Variants in PTPRA observed in about 807,000 individuals in gnomAD.
PTPRA encodes the protein receptor-type tyrosine-protein phosphatase alpha.
A neutral mutation model predicts 104.8 loss-of-function variants in PTPRA; 25 were observed. The ratio of observed to expected loss-of-function variants is 0.24; its 90% confidence interval spans 0.17 to 0.33. The LOEUF is 0.33. Ranked by LOEUF, PTPRA falls within the 10% of genes least tolerant of loss-of-function variation. PTPRA has a pLI of 1.00. For missense variants in PTPRA, 765 were observed against 1,015.3 expected, an observed-to-expected ratio of 0.75 and a Z score of 3.35; for synonymous variants, 323 against 368.9, an observed-to-expected ratio of 0.88 and a Z score of 1.43.
At chr20:2,980,662 C>T (rs1001965021) in intron 6 of PTPRA, among the ~76,000 whole-genome samples, 4 of 152,014 alleles carry the variant, frequency 2.6e-5, no homozygotes, top group African/African-American at 9.7e-5. Context: ...CCAGCCTGGG[C>T]AACAACAAGA....
At position 3,022,249 on chromosome 20, in the gene PTPRA, AC is replaced by A; in HGVS notation, c.1328+34del. 2 of 1,600,346 alleles carry A rather than the reference AC, an allele frequency of 1.2e-6. No homozygotes were observed. The highest frequency in any genetic ancestry group is 2.2e-5 in the South Asian group (2 of 90,228). Reference sequence around the variant, plus strand: ...AGTGTGGCCTGACCCTTGTACCCCCACCCCCACATTTCGCCCCCATGGCCAG... The same window carrying A: ...AGTGTGGCCTGACCCTTGTACCCCCACCCCACATTTCGCCCCCATGGCCAG... On this transcript the variant is annotated intron_variant, in intron 15 of 23. Transcript: ENST00000399903. This position sits in a 1 kb window ranked among gnomAD's most constrained non-coding sequence, Gnocchi z 4.6.
chr20:2,998,288 A>G (rs1345666070), intron 9 of PTPRA, among the ~76,000 whole-genome samples: 1 of 151,940 alleles, frequency 6.6e-6, no homozygotes, highest in Middle Eastern at 3.2e-3. Context: ...GCGATGTGAG[A>G]TGTGACCTTC....
intron 3 of PTPRA, among the ~76,000 whole-genome samples, chr20:2,949,421 G>A (rs2061276835): frequency 6.6e-6 from 1 of 150,776 alleles, no homozygotes; most frequent in Admixed American, 6.6e-5. Context: ...GCAAGTATTA[G>A]TCTCCTTTCT....
intron 13 of PTPRA, among the ~76,000 whole-genome samples, chr20:3,019,801 C>T (rs1356265315): frequency 3.3e-5 from 5 of 152,124 alleles, no homozygotes; most frequent in Admixed American, 2.0e-4. Context: ...ACTGAGTGAA[C>T]GAGACTCCGT....
intron 9 of PTPRA, among the ~76,000 whole-genome samples, chr20:3,000,502 A>G (rs2063580931): frequency 1.3e-5 from 2 of 152,214 alleles, no homozygotes; most frequent in South Asian, 4.1e-4. Context: ...AAATTAGTAC[A>G]ACTTCTTTGA....
intron 1 of PTPRA, among the ~76,000 whole-genome samples, chr20:2,901,010 T>C (rs1301925115): frequency 6.6e-6 from 1 of 152,056 alleles, no homozygotes; most frequent in African/African-American, 2.4e-5. Context: ...CTTGCTCTGT[T>C]GCCCAGGCTA....
intron 5 of PTPRA, among the ~76,000 whole-genome samples, chr20:2,971,378 C>G (rs1201351677): frequency 1.3e-5 from 2 of 151,992 alleles, no homozygotes; most frequent in Non-Finnish European, 2.9e-5. Context: ...GATCTTCTAA[C>G]TGGCTGCTGT....
intron 13 of PTPRA, 101 bp from the exon 14 acceptor site, chr20:3,021,208 G>A: frequency 6.6e-7 from 1 of 1,515,744 alleles, no homozygotes. Flanking sequence ...GCCTTCTGGG[G>A]GACTTTAATC....
Position 3,035,842 on chromosome 20 carries a change from T to G in PTPRA, c.2099T>G (p.Val700Gly). ...TTCCACTTCCATGGCTGGCCTGAAGTGGGCATCCCCAGTGACGGAAAGGGC... is the reference window on the plus strand; with the variant it reads ...TTCCACTTCCATGGCTGGCCTGAAGGGGGCATCCCCAGTGACGGAAAGGGC... ...RQFHFHGWPE[V>G]GIPSDGKGMI... The change falls in exon 22 of 24, where the codon GTG becomes GGG. Residue 700 changes from valine to glycine, a missense_variant. Physicochemically the swap from Val to Gly is moderately radical, Grantham distance 109. Transcript: ENST00000399903. This position sits in a 1 kb window ranked among gnomAD's most constrained non-coding sequence, Gnocchi z 5.8. 2 of 1,614,118 alleles carry G rather than the reference T, an allele frequency of 1.2e-6. No homozygotes were observed. Among genetic ancestry groups the G allele is most frequent in the Non-Finnish European group, 1.7e-6 (2 of 1,180,032 alleles).
chr20:2,868,849 G>A (rs2089395085), upstream of PTPRA, among the ~76,000 whole-genome samples: 1 of 152,044 alleles, frequency 6.6e-6, no homozygotes, highest in African/African-American at 2.4e-5. Context: ...GTAACATACA[G>A]TATATTTACT....
chr20:2,997,038 G>A (rs2063425785), intron 9 of PTPRA, among the ~76,000 whole-genome samples: 1 of 152,056 alleles, frequency 6.6e-6, no homozygotes, highest in Non-Finnish European at 1.5e-5. Flanking sequence ...CAAATAGAAT[G>A]GCCAGATGAT....
chr20:3,013,397 T>G (rs2064274992), intron 11 of PTPRA, among the ~76,000 whole-genome samples: 2 of 149,052 alleles, frequency 1.3e-5, no homozygotes, highest in Non-Finnish European at 2.9e-5. Context: ...TACTCATTTT[T>G]AGATGTCTAA....
At chr20:2,989,578 C>T in intron 9 of PTPRA, among the ~76,000 whole-genome samples, 1 of 152,142 alleles carries the variant, frequency 6.6e-6, no homozygotes, top group South Asian at 2.1e-4. Flanking sequence ...AAGGAGGGCA[C>T]ACCCAGAACA....
chr20:2,900,860 A>AAC (rs1412843126), intron 1 of PTPRA, among the ~76,000 whole-genome samples: 2 of 151,276 alleles, frequency 1.3e-5, no homozygotes, highest in African/African-American at 4.8e-5. Flanking sequence ...TCCATCTCAA[A>AAC]AAAAAAAAAA....
intron 6 of PTPRA, among the ~76,000 whole-genome samples, chr20:2,986,554 C>G (rs925577236): frequency 6.6e-6 from 1 of 152,166 alleles, no homozygotes; most frequent in African/African-American, 2.4e-5. Context: ...AGCATGTCAT[C>G]CTGGGCCCCA....
At chr20:2,983,241 C>T (rs1284506052) in intron 6 of PTPRA, among the ~76,000 whole-genome samples, 3 of 151,984 alleles carry the variant, frequency 2.0e-5, no homozygotes, top group Non-Finnish European at 4.4e-5. Flanking sequence ...GAAGGAATAA[C>T]ATGCTCAAAG....
chr20:2,963,364 G>T (rs1343112732), intron 3 of PTPRA, among the ~76,000 whole-genome samples: 1 of 152,080 alleles, frequency 6.6e-6, no homozygotes. Flanking sequence ...CACTTCGGGA[G>T]GCTGAGGCTG....
chr20:2,948,747 C>G (rs1451967943), intron 3 of PTPRA, among the ~76,000 whole-genome samples: 3 of 151,750 alleles, frequency 2.0e-5, no homozygotes, highest in East Asian at 1.9e-4. Context: ...GTCAGGAGAT[C>G]AAGACCATCC....
At chr20:2,972,916 C>T (rs528850558) in intron 5 of PTPRA, among the ~76,000 whole-genome samples, 77 of 151,948 alleles carry the variant, frequency 5.1e-4, no homozygotes, top group African/African-American at 1.7e-3. Flanking sequence ...GATGGGGTTT[C>T]GCCATGTTGC....
Sources: allele counts gnomAD v4.1 joint callset (sites outside exome capture counted in the v4.1 genomes callset), GRCh38; gene constraint gnomAD v4.1.1; non-coding constraint Gnocchi (gnomAD v3.1); transcripts MANE v1.5; gene names NCBI Gene and HGNC (gene_info 2026-07-23, HGNC 2026-07-21).